MYZAP: variants seen among roughly 807,000 people sequenced by gnomAD.
MYZAP encodes myocardial zonula adherens protein, also known as GRINL1A complex locus upstream.
MYZAP carries 66 observed loss-of-function variants against 69.4 expected under a neutral mutation model. That is an observed-to-expected ratio of 0.95 (90% confidence interval 0.78 to 1.17). The LOEUF (loss-of-function observed/expected upper bound fraction) is 1.17, where lower values mean the gene tolerates loss of function less well. MYZAP is among the 50% of genes most tolerant of loss of function. The pLI is 0.00. For missense variants in MYZAP, 611 were observed against 556.2 expected, an observed-to-expected ratio of 1.10 and a Z score of -0.99; for synonymous variants, 256 against 205.9, an observed-to-expected ratio of 1.24 and a Z score of -2.09.
chr15:57,612,075 G>A (rs1161667742), intron 2 of MYZAP, among the ~76,000 whole-genome samples: 6 of 152,208 alleles, frequency 3.9e-5, no homozygotes, highest in Admixed American at 2.6e-4. Context: ...AGATACACAG[G>A]TTGTACAAGC....
At chr15:57,682,047 G>A (rs1050890076) in intron 12 of MYZAP, among the ~76,000 whole-genome samples, 3 of 152,144 alleles carry the variant, frequency 2.0e-5, no homozygotes, top group Non-Finnish European at 4.4e-5. Flanking sequence ...GTAGCTATTT[G>A]AAAGAACCCA....
intron 1 of MYZAP, chr15:57,599,440 T>A: frequency 3.3e-5 from 38 of 1,153,000 alleles, no homozygotes; most frequent in Non-Finnish European, 4.0e-5. Context: ...AGTAATAAAG[T>A]ATGCTGAGTC....
At chr15:57,668,721 G>A (rs578199214) in intron 11 of MYZAP, among the ~76,000 whole-genome samples, 7 of 151,880 alleles carry the variant, frequency 4.6e-5, no homozygotes, top group Admixed American at 3.3e-4. Flanking sequence ...TCTTTAGTCC[G>A]TTGTTTTATT....
At chr15:57,639,345 C>T (rs1483440012) in intron 9 of MYZAP, 95 bp from the exon 10 acceptor site, 12 of 1,331,356 alleles carry the variant, frequency 9.0e-6, no homozygotes, top group African/African-American at 1.4e-5. Context: ...CCATGCTTGG[C>T]GCTCTTGGCA....
At chr15:57,635,084 A>T (rs4774978) in intron 8 of MYZAP, among the ~76,000 whole-genome samples, 65,254 of 151,904 alleles carry the variant, frequency 0.43, 14,331 homozygotes, top group Non-Finnish European at 0.47. Context: ...ATACAGAGAA[A>T]CCACAGGTAG....
intron 1 of MYZAP, chr15:57,599,730 CGGGGAGATTTTCCCAT>C (rs1567198514): frequency 1.9e-5 from 24 of 1,285,024 alleles, no homozygotes; most frequent in Non-Finnish European, 2.4e-5. Context: ...TGATGTTACT[CGGGGAGATTTTCCCAT>C]GGGGAGATTG....
At chr15:57,628,081 A>C (rs1438084447) in intron 5 of MYZAP, among the ~76,000 whole-genome samples, 1 of 152,228 alleles carries the variant, frequency 6.6e-6, no homozygotes, top group Non-Finnish European at 1.5e-5. Flanking sequence ...AGACAAGAGC[A>C]CAGAGGTGTT....
intron 10 of MYZAP, among the ~76,000 whole-genome samples, chr15:57,643,507 T>C (rs1233475656): frequency 6.6e-6 from 1 of 152,214 alleles, no homozygotes; most frequent in Non-Finnish European, 1.5e-5. Context: ...GCCCCTCTGC[T>C]CACACATCTT....
chr15:57,677,475 A>G (rs1320280336), intron 12 of MYZAP, among the ~76,000 whole-genome samples: 2 of 152,214 alleles, frequency 1.3e-5, no homozygotes, highest in African/African-American at 2.4e-5. Flanking sequence ...GTACATGTGT[A>G]GTTTGAAAAT....
At chr15:57,648,235 T>G (rs2037549282) in intron 10 of MYZAP, 1 of 985,294 alleles carries the variant, frequency 1.0e-6, no homozygotes. Context: ...AAAAGCAGGT[T>G]CATTCTATGA....
At chr15:57,635,269 C>T (rs1261547460) in intron 8 of MYZAP, among the ~76,000 whole-genome samples, 3 of 152,194 alleles carry the variant, frequency 2.0e-5, no homozygotes, top group East Asian at 1.9e-4. Context: ...GAAAAATCCA[C>T]GCCAAGTGCT....
At chr15:57,629,595 G>A (rs569137466) in intron 5 of MYZAP, 107 bp from the exon 6 acceptor site, 1 of 1,446,190 alleles carries the variant, frequency 6.9e-7, no homozygotes, top group Admixed American at 2.3e-5. Context: ...TGTAGCCTAG[G>A]ACAGCTACCC....
chr15:57,639,417 C>A, intron 9 of MYZAP, 23 bp from the exon 10 acceptor site: 1 of 1,613,062 alleles, frequency 6.2e-7, no homozygotes. Context: ...GACTCATTTG[C>A]TTTTTTCTCC....
chr15:57,611,512 A>T (rs2035105172), intron 2 of MYZAP, among the ~76,000 whole-genome samples: 1 of 152,010 alleles, frequency 6.6e-6, no homozygotes, highest in Non-Finnish European at 1.5e-5. Flanking sequence ...GAAGCTGTGT[A>T]CTAGCTGCAC....
chr15:57,609,459 C>T (rs960372334), intron 2 of MYZAP, among the ~76,000 whole-genome samples: 11 of 152,178 alleles, frequency 7.2e-5, no homozygotes, highest in Non-Finnish European at 1.5e-4. Context: ...CTCTGATTTT[C>T]ACATGGCATT....
intron 9 of MYZAP, among the ~76,000 whole-genome samples, chr15:57,638,570 T>C (rs2036951633): frequency 1.3e-5 from 2 of 152,278 alleles, no homozygotes; most frequent in East Asian, 1.9e-4. Context: ...GAGGCAGAGA[T>C]GGGGCACGGG....
At chr15:57,626,614 A>G (rs958304253) in intron 5 of MYZAP, among the ~76,000 whole-genome samples, 2 of 152,358 alleles carry the variant, frequency 1.3e-5, no homozygotes, top group African/African-American at 2.4e-5. Flanking sequence ...TTCATTTCCA[A>G]ATGTATGAAC....
chr15:57,605,313 G>A (rs924704774), intron 2 of MYZAP, among the ~76,000 whole-genome samples: 6 of 152,262 alleles, frequency 3.9e-5, no homozygotes, highest in African/African-American at 1.2e-4. Context: ...AAAAGAAGGG[G>A]TAGGGGTGCC....
At chr15:57,658,093 A>G (rs1488884026) in intron 10 of MYZAP, among the ~76,000 whole-genome samples, 6 of 152,186 alleles carry the variant, frequency 3.9e-5, no homozygotes, top group African/African-American at 1.4e-4. Context: ...CACCATGTGA[A>G]ATTTAAAATA....
Sources: gnomAD v4.1 joint callset for allele counts (sites outside exome capture counted in the v4.1 genomes callset) on GRCh38, gnomAD v4.1.1 for gene constraint, MANE v1.5 for transcripts, NCBI Gene and HGNC (gene_info 2026-07-23, HGNC 2026-07-21) for gene names.